The following FGD3 variants were observed in gnomAD, a reference collection of about 807,000 sequenced individuals.
The protein encoded by FGD3 is FYVE, RhoGEF and PH domain containing 3.
In FGD3, 45 loss-of-function variants were observed where a neutral mutation model predicts 71.8. The ratio of observed to expected loss-of-function variants is 0.63; its 90% CI spans 0.49 to 0.80. The LOEUF (loss-of-function observed/expected upper bound fraction) is 0.80. Ranked by LOEUF, FGD3 falls within the 30% of genes least tolerant of loss-of-function variation. The pLI, the probability that FGD3 is intolerant of heterozygous loss-of-function variation, is 0.00. For synonymous variants in FGD3, 378 were observed against 392.8 expected, an observed-to-expected ratio of 0.96 and a Z score of 0.44; for missense variants, 844 against 951.5, an observed-to-expected ratio of 0.89 and a Z score of 1.49.
chr9:93,003,310 G>A lies in FGD3; in HGVS notation c.543+296G>A, dbSNP rs1350754371. On this transcript the variant is annotated intron_variant, in intron 4 of 17. Transcript: ENST00000375482. This position sits in a 1 kb window ranked among gnomAD's most constrained non-coding sequence, Gnocchi z 4.1. ...CGCCCAGCTAATTTTTGTATTTATA[G>A]TAGAGACGGGGTTTCACCATATTTG... 6.6e-6 allele frequency among the ~76,000 whole-genome samples: 1 copy of A among 152,148 alleles called. No homozygotes were observed. Among genetic ancestry groups the A allele is most frequent in the Non-Finnish European group, 1.5e-5 (1 of 68,014 alleles).
chr9:93,013,848 G>A lies in FGD3; in HGVS notation c.1036-4G>A. The A allele has an allele frequency of 1.2e-6, 2 of 1,612,464 alleles. No individual in the cohort carries two copies. The highest frequency in any genetic ancestry group is 1.7e-6 in the Non-Finnish European group (2 of 1,179,388). ...TTGGTGCCTGAGTCCCATGTCTCTT[G>A]CAGGAGAAAATGCACAAGCTCTTGG... On this transcript the variant is annotated splice_polypyrimidine_tract_variant and splice_region_variant and intron_variant, in intron 8 of 17. Coordinates refer to ENST00000375482, the MANE Select transcript of FGD3 (RefSeq NM_001083536.2).
At chr9:93,014,255 C>T (rs772401865) in intron 9 of FGD3, among the ~76,000 whole-genome samples, 22 of 149,016 alleles carry the variant, frequency 1.5e-4, no homozygotes, top group Non-Finnish European at 2.5e-4. Context: ...TTTAATCCCT[C>T]GTAGCCCATA....
At chr9:93,019,744 C>T (rs144543266) in intron 11 of FGD3, 87 bp from the exon 12 acceptor site, 30 of 1,279,540 alleles carry the variant, frequency 2.3e-5, no homozygotes, top group African/African-American at 4.4e-5. Context: ...GTGCGTGGCT[C>T]GGGTGTGCTG....
In FGD3 at chr9:92,981,368, CA is replaced by C. The variant is rs11454338; in HGVS notation, c.453+4675del. ...GGGTGACAGAGCGAGATTCCATCTC[CA>C]AAAAAAAAAAAAAAAGAAAAAAAAG... On this transcript the variant is annotated intron_variant, in intron 3 of 17. Transcript: ENST00000375482. Among the ~76,000 whole-genome samples, 139 of 111,736 alleles carry C rather than the reference CA, an allele frequency of 1.2e-3. 1 individual carries two copies. The highest frequency in any genetic ancestry group is 1.8e-3 in the Admixed American group (19 of 10,380). 73.3% of individuals were successfully genotyped at this position (111,736 alleles called of 152,430 possible).
chr9:93,032,689 C>T, intron 15 of FGD3, 80 bp from the exon 16 acceptor site: 2 of 1,145,100 alleles, frequency 1.7e-6, no homozygotes, highest in Non-Finnish European at 2.5e-6. Context: ...CACCTCCCGC[C>T]CACTCTACCT....
In FGD3 at chr9:93,029,835, T is replaced by G. The variant is rs768226365; in HGVS notation, c.1558-39T>G. 3.7e-6 allele frequency: 6 copies of G among 1,600,052 alleles called. No individual in the cohort carries two copies. In the Admixed American group the frequency reaches 1.0e-4, roughly 27 times the overall value. ...TGCCGTGTGGGGTAGGGTGCACACA[T>G]GATTCAGAAGCTGATGGCATCTATT... On this transcript the variant is annotated intron_variant, in intron 14 of 17. Coordinates refer to ENST00000375482, the MANE Select transcript of FGD3 (RefSeq NM_001083536.2).
intron 5 of FGD3, 21 bp from the exon 6 acceptor site, chr9:93,006,000 CTGA>C (rs1861035955): frequency 6.3e-7 from 1 of 1,576,730 alleles, no homozygotes; most frequent in African/African-American, 1.4e-5. Context: ...AGCTATTTCT[CTGA>C]TGATTCATTT....
chr9:92,970,148 G>A (rs1309370792), intron 1 of FGD3, among the ~76,000 whole-genome samples: 2 of 152,218 alleles, frequency 1.3e-5, no homozygotes, highest in Admixed American at 6.5e-5. Context: ...AGTGACCCAA[G>A]CCCGGGGGCT....
In FGD3 at chr9:93,032,855, G is replaced by A; in HGVS notation, c.1767G>A (p.Val589=). ...GAGATTGTTTCCTGACACAGCCAGT[G>A]GCCCCTGAGAGCACAGAGGTGGGTG... ...VCRDCFLTQP[V]APESTEKTPT... The change falls in exon 16 of 18, where the codon GTG becomes GTA. Residue 589 remains valine, a synonymous_variant. Coordinates refer to ENST00000375482, the MANE Select transcript of FGD3 (RefSeq NM_001083536.2). 6.2e-7 allele frequency: 1 copy of A among 1,614,186 alleles called. No homozygotes were observed. The highest frequency in any genetic ancestry group is 1.1e-5 in the South Asian group (1 of 91,090).
intron 1 of FGD3, among the ~76,000 whole-genome samples, chr9:92,968,883 G>T (rs1352426600): frequency 1.3e-5 from 2 of 152,208 alleles, no homozygotes; most frequent in Non-Finnish European, 2.9e-5. Flanking sequence ...TGCTGGGATT[G>T]CAGGTGTAAG....
chr9:92,999,249 C>T (rs1261972695), intron 3 of FGD3, among the ~76,000 whole-genome samples: 2 of 152,194 alleles, frequency 1.3e-5, no homozygotes, highest in African/African-American at 2.4e-5. Context: ...AGCAAGGCTC[C>T]GTGGGCGTGG....
intron 11 of FGD3, 86 bp downstream of exon 11, chr9:93,018,301 T>C: frequency 8.0e-7 from 1 of 1,253,818 alleles, no homozygotes; most frequent in South Asian, 1.3e-5. Context: ...TATTTTTATT[T>C]ATGCATGGCT....
At chr9:93,024,672 C>T (rs752594783) in intron 14 of FGD3, among the ~76,000 whole-genome samples, 5 of 152,162 alleles carry the variant, frequency 3.3e-5, no homozygotes, top group African/African-American at 9.7e-5. Flanking sequence ...GTGGAGGCCA[C>T]GTGCTGAGGG....
chr9:93,029,931 A>G lies in FGD3; in HGVS notation c.1615A>G (p.Lys539Glu). The change falls in exon 15 of 18, where the codon AAG becomes GAG. Residue 539 changes from lysine to glutamate, a missense_variant. By Grantham distance (56) the Lys-to-Glu change is moderately conservative. Coordinates refer to ENST00000375482, the MANE Select transcript of FGD3 (RefSeq NM_001083536.2). ...TRRDKEKQSCKSCGETFNSIT... is the reference protein window; with the variant it reads ...TRRDKEKQSCESCGETFNSIT... ...ACGTGACAAGGAGAAGCAGAGCTGTAAGAGCTGTGGTGAGACCTTCAACTC... is the reference window on the plus strand; with the variant it reads ...ACGTGACAAGGAGAAGCAGAGCTGTGAGAGCTGTGGTGAGACCTTCAACTC... The G allele has an allele frequency of 3.7e-6, 6 of 1,613,632 alleles. No individual in the cohort carries two copies. The highest frequency in any genetic ancestry group is 5.1e-6 in the Non-Finnish European group (6 of 1,179,752).
chr9:92,962,324 G>C (rs1240192666), intron 1 of FGD3, among the ~76,000 whole-genome samples: 2 of 152,178 alleles, frequency 1.3e-5, no homozygotes, highest in African/African-American at 4.8e-5. Context: ...TTGTGTCCCT[G>C]GTCCTAATGG....
At chr9:92,965,000 G>A (rs539964173) in intron 1 of FGD3, among the ~76,000 whole-genome samples, 4 of 152,324 alleles carry the variant, frequency 2.6e-5, no homozygotes, top group South Asian at 4.1e-4. Flanking sequence ...GGAGTGCTGC[G>A]CCCACCAAAG....
intron 14 of FGD3, among the ~76,000 whole-genome samples, chr9:93,028,661 A>G (rs1862228291): frequency 6.6e-6 from 1 of 152,232 alleles, no homozygotes; most frequent in Non-Finnish European, 1.5e-5. Flanking sequence ...CAACTTGCCA[A>G]ACGCAGTCGG....
At chr9:93,028,457 T>C (rs1862221318) in intron 14 of FGD3, among the ~76,000 whole-genome samples, 1 of 152,010 alleles carries the variant, frequency 6.6e-6, no homozygotes, top group Non-Finnish European at 1.5e-5. Context: ...ACTCGATACA[T>C]ATCTTTGCCT....
In FGD3 at chr9:92,976,421, C is replaced by G; in HGVS notation, c.165C>G (p.Gly55=). Reference sequence around the variant, plus strand: ...TCAGCCTGGCTGCAGCAGGGGACGGCTCTCCAGACATAGGCCCCACGGGAG... The same window carrying G: ...TCAGCCTGGCTGCAGCAGGGGACGGGTCTCCAGACATAGGCCCCACGGGAG... ...DPVSLAAAGD[G]SPDIGPTGEL... The change falls in exon 3 of 18, where the codon GGC becomes GGG. Residue 55 remains glycine, a synonymous_variant. Coordinates refer to ENST00000375482, the MANE Select transcript of FGD3 (RefSeq NM_001083536.2). 6.2e-7 allele frequency: 1 copy of G among 1,611,774 alleles called. No individual in the cohort carries two copies. The highest frequency in any genetic ancestry group is 8.5e-7 in the Non-Finnish European group (1 of 1,179,398).
Sources: allele counts gnomAD v4.1 joint callset (sites outside exome capture counted in the v4.1 genomes callset), GRCh38; gene constraint gnomAD v4.1.1; non-coding constraint Gnocchi (gnomAD v3.1); transcripts MANE v1.5; gene names NCBI Gene and HGNC (gene_info 2026-07-23, HGNC 2026-07-21).